The following DLGAP1 variants were observed in gnomAD, a reference collection of about 807,000 sequenced individuals.
DLGAP1 encodes disks large-associated protein 1.
DLGAP1 carries 11 observed loss-of-function variants against 90.8 expected under a neutral mutation model. The observed-to-expected ratio is 0.12, with a 90% CI of 0.08 to 0.20. The LOEUF (loss-of-function observed/expected upper bound fraction) is 0.20, where lower values mean the gene tolerates loss of function less well. Ranked by LOEUF, DLGAP1 falls within the 10% of genes least tolerant of loss-of-function variation. The pLI is 1.00. For missense variants in DLGAP1, 1,050 were observed against 1,333.8 expected (o/e 0.79, Z 3.31); for synonymous variants, 558 against 540.7 (o/e 1.03, Z -0.44).
intron 1 of DLGAP1, among the ~76,000 whole-genome samples, chr18:4,187,831 T>G (rs2144708626): frequency 6.6e-6 from 1 of 152,154 alleles, no homozygotes; most frequent in South Asian, 2.1e-4. Context: ...ACTCTGTCTC[T>G]ATTAAAAATA....
At chr18:4,317,804 G>C (rs934563579) in intron 1 of DLGAP1, among the ~76,000 whole-genome samples, 32 of 152,150 alleles carry the variant, frequency 2.1e-4, no homozygotes, top group African/African-American at 7.7e-4. Flanking sequence ...GGCAGTTATA[G>C]AACAACAAGT....
At chr18:4,179,031 T>C (rs2077163671) in intron 1 of DLGAP1, among the ~76,000 whole-genome samples, 1 of 152,234 alleles carries the variant, frequency 6.6e-6, no homozygotes, top group Admixed American at 6.5e-5. Flanking sequence ...ACATGATTCC[T>C]ATCCTAAAAC....
chr18:3,808,626 A>G (rs946921752), intron 5 of DLGAP1, among the ~76,000 whole-genome samples: 1 of 152,202 alleles, frequency 6.6e-6, no homozygotes. Context: ...ACAAATTGCT[A>G]TGTTCCCAAT....
intron 3 of DLGAP1, among the ~76,000 whole-genome samples, chr18:3,903,630 CA>C (rs1568290887): frequency 1.3e-5 from 2 of 152,170 alleles, no homozygotes; most frequent in African/African-American, 4.8e-5. Context: ...GCCATATTTA[CA>C]GCATGTATTT....
In DLGAP1 at chr18:3,579,461, T is replaced by G. The variant is rs143995109; in HGVS notation, c.1965+2414A>C. ...CCGACCTCAGGTGACCCACCCGCCTTGGCCTCCCAAAGTGCTGGGATTACA... is the reference window on the plus strand; with the variant it reads ...CCGACCTCAGGTGACCCACCCGCCTGGGCCTCCCAAAGTGCTGGGATTACA... On this transcript the variant is annotated intron_variant, in intron 8 of 12. Coordinates refer to ENST00000315677, the MANE Select transcript of DLGAP1 (RefSeq NM_004746.4). Among the ~76,000 whole-genome samples, 380 of 152,306 alleles carry G rather than the reference T, an allele frequency of 2.5e-3. 13 individuals are homozygous for G. The East Asian group carries it at 0.055, about 22-fold the overall frequency.
chr18:4,240,631 A>T (rs1299695078), intron 1 of DLGAP1, among the ~76,000 whole-genome samples: 1 of 152,202 alleles, frequency 6.6e-6, no homozygotes, highest in Non-Finnish European at 1.5e-5. Context: ...AAACAAATAG[A>T]ATAAAAATCA....
At chr18:4,345,637 G>T (rs1240297837) in intron 1 of DLGAP1, among the ~76,000 whole-genome samples, 2 of 152,172 alleles carry the variant, frequency 1.3e-5, no homozygotes, top group Non-Finnish European at 2.9e-5. Context: ...AATTCCACTT[G>T]CACTAAATGT....
intron 8 of DLGAP1, among the ~76,000 whole-genome samples, chr18:3,573,941 A>G (rs2054956267): frequency 1.3e-5 from 2 of 152,198 alleles, no homozygotes; most frequent in Admixed American, 6.5e-5. Context: ...GGCTCAAGCC[A>G]TCTACCCACC....
intron 7 of DLGAP1, among the ~76,000 whole-genome samples, chr18:3,682,135 A>AAT (rs1555627077): frequency 0.082 from 12,071 of 147,354 alleles, 642 homozygotes; most frequent in South Asian, 0.19. Context: ...AAAAAATAAA[A>AAT]AAAAATAAAA....
intron 1 of DLGAP1, among the ~76,000 whole-genome samples, chr18:4,430,047 G>A (rs561040514): frequency 2.0e-4 from 31 of 152,220 alleles, no homozygotes; most frequent in African/African-American, 4.3e-4. Flanking sequence ...ATGGTAAAAC[G>A]ACACAGAAAA....
intron 1 of DLGAP1, among the ~76,000 whole-genome samples, chr18:4,263,238 C>A (rs575574431): frequency 2.5e-4 from 38 of 152,262 alleles, no homozygotes; most frequent in African/African-American, 9.1e-4. Context: ...GGCCTGCCTT[C>A]TATTATTATA....
chr18:3,578,492 G>T (rs888697538), intron 8 of DLGAP1, among the ~76,000 whole-genome samples: 2 of 151,896 alleles, frequency 1.3e-5, no homozygotes, highest in Non-Finnish European at 2.9e-5. Flanking sequence ...AAGCAGCTGG[G>T]ACTACAGGCG....
chr18:3,515,305 C>T (rs1276208665), intron 10 of DLGAP1, among the ~76,000 whole-genome samples: 3 of 150,908 alleles, frequency 2.0e-5, no homozygotes, highest in Non-Finnish European at 2.9e-5. Flanking sequence ...CCCGTCTCTG[C>T]TAAAAAATAG....
At chr18:3,535,868 C>T (rs1336367931) in intron 9 of DLGAP1, among the ~76,000 whole-genome samples, 2 of 151,378 alleles carry the variant, frequency 1.3e-5, no homozygotes, top group African/African-American at 2.4e-5. Flanking sequence ...CCCGTCTCTA[C>T]TAAAAATACA....
intron 2 of DLGAP1, among the ~76,000 whole-genome samples, chr18:4,032,830 TGTCTCTGTCTCTCC>T (rs2074819193): frequency 6.6e-6 from 1 of 152,222 alleles, no homozygotes; most frequent in African/African-American, 2.4e-5. Context: ...CAAACCTCTC[TGTCTCTGTCTCTCC>T]GTCTCTGTAA....
chr18:4,140,391 G>A (rs1363393745), intron 2 of DLGAP1, among the ~76,000 whole-genome samples: 2 of 151,788 alleles, frequency 1.3e-5, no homozygotes, highest in African/African-American at 2.4e-5. Context: ...TTACAAATAA[G>A]CAAAGAGAAA....
chr18:3,757,338 G>A (rs2063758535), intron 5 of DLGAP1, among the ~76,000 whole-genome samples: 1 of 152,172 alleles, frequency 6.6e-6, no homozygotes. Context: ...GAAACCGGGA[G>A]GCAGAGGTTG....
chr18:3,840,099 A>T (rs1035655553), intron 4 of DLGAP1, among the ~76,000 whole-genome samples: 4 of 152,208 alleles, frequency 2.6e-5, no homozygotes, highest in Non-Finnish European at 5.9e-5. Flanking sequence ...TAATATTTAG[A>T]GGGCCTCTCT....
chr18:4,077,544 A>G (rs2075541921), intron 2 of DLGAP1, among the ~76,000 whole-genome samples: 1 of 151,948 alleles, frequency 6.6e-6, no homozygotes, highest in Admixed American at 6.6e-5. Flanking sequence ...ATTAGTTCCT[A>G]TAAGAGTTGA....
Sources: allele counts gnomAD v4.1 joint callset (sites outside exome capture counted in the v4.1 genomes callset), GRCh38; gene constraint gnomAD v4.1.1; transcripts MANE v1.5; gene names NCBI Gene and HGNC (gene_info 2026-07-23, HGNC 2026-07-21).